The following WDR70 variants were observed in gnomAD, a reference collection of about 807,000 sequenced individuals.
WDR70 encodes WD repeat-containing protein 70.
Under a neutral mutation model 88.6 loss-of-function variants are expected in WDR70, and 53 were observed. The ratio of observed to expected loss-of-function variants is 0.60; its 90% CI spans 0.48 to 0.75. The LOEUF is 0.75. Ranked by LOEUF, WDR70 falls within the 30% of genes least tolerant of loss-of-function variation. The pLI is 0.00. For synonymous variants in WDR70, 280 were observed against 270.0 expected, an observed-to-expected ratio of 1.04 and a Z score of -0.36; for missense variants, 610 against 823.2, an observed-to-expected ratio of 0.74 and a Z score of 3.17.
At chr5:37,572,814 A>G (rs530664614) in intron 9 of WDR70, among the ~76,000 whole-genome samples, 1 of 152,332 alleles carries the variant, frequency 6.6e-6, no homozygotes, top group South Asian at 2.1e-4. Flanking sequence ...AAAAATCACA[A>G]ATCAAGTCAT....
At chr5:37,603,799 G>A (rs1446336120) in intron 9 of WDR70, among the ~76,000 whole-genome samples, 2 of 151,810 alleles carry the variant, frequency 1.3e-5, no homozygotes, top group African/African-American at 2.4e-5. Context: ...TCATTATTAT[G>A]TATTGATTAT....
chr5:37,506,501 C>T (rs772223015), intron 8 of WDR70: 1 of 769,312 alleles, frequency 1.3e-6, no homozygotes, highest in Admixed American at 1.7e-5. Flanking sequence ...TGTTCTTAAG[C>T]ATGTGGGCCA....
At chr5:37,559,719 C>A (rs1742434102) in intron 9 of WDR70, among the ~76,000 whole-genome samples, 1 of 151,988 alleles carries the variant, frequency 6.6e-6, no homozygotes, top group African/African-American at 2.4e-5. Context: ...GTGGCACACA[C>A]CTGTAATCCC....
intron 16 of WDR70, 147 bp from the exon 17 acceptor site, chr5:37,726,736 G>T (rs1203922378): frequency 1.8e-5 from 14 of 783,706 alleles, no homozygotes; most frequent in Non-Finnish European, 2.3e-5. Context: ...TGATCTCTTT[G>T]GTTCTGATTG....
chr5:37,721,829 A>G (rs1159455183), intron 14 of WDR70: 2 of 152,318 alleles, frequency 1.3e-5, no homozygotes, highest in African/African-American at 4.8e-5. Flanking sequence ...GTCATCACCC[A>G]GAAAAGATGG....
At chr5:37,523,505 G>A (rs1256168043) in intron 9 of WDR70, among the ~76,000 whole-genome samples, 1 of 152,126 alleles carries the variant, frequency 6.6e-6, no homozygotes, top group Non-Finnish European at 1.5e-5. Flanking sequence ...AAGACCAAAG[G>A]TAGATAAAAC....
At chr5:37,620,272 T>TTGTTC (rs1744471738) in intron 10 of WDR70, among the ~76,000 whole-genome samples, 1 of 151,864 alleles carries the variant, frequency 6.6e-6, no homozygotes, top group East Asian at 1.9e-4. Flanking sequence ...TGTTTTTTGT[T>TTGTTC]TGTTTTTTGC....
chr5:37,716,661 G>C (rs1187326763), intron 13 of WDR70, among the ~76,000 whole-genome samples: 1 of 151,138 alleles, frequency 6.6e-6, no homozygotes, highest in Non-Finnish European at 1.5e-5. Context: ...TAATTTTGTA[G>C]TATTTGTGAG....
At chr5:37,752,260 A>C (rs1008841571) in intron 17 of WDR70, among the ~76,000 whole-genome samples, 1 of 152,188 alleles carries the variant, frequency 6.6e-6, no homozygotes, top group East Asian at 1.9e-4. Flanking sequence ...GTGTATGTAC[A>C]GTCTGCCACA....
intron 8 of WDR70, among the ~76,000 whole-genome samples, chr5:37,509,269 A>C (rs1740650322): frequency 6.6e-6 from 1 of 152,160 alleles, no homozygotes; most frequent in Non-Finnish European, 1.5e-5. Flanking sequence ...CATTTCTTTA[A>C]CTGTGTCCCA....
Position 37,443,119 on chromosome 5 carries a change from G to A in WDR70, c.553-120G>A, listed in dbSNP as rs1353521410. On this transcript the variant is annotated intron_variant, in intron 6 of 17. Transcript: ENST00000265107. The stretch of plus-strand genomic sequence containing the variant: ...TGCTTTTCAGAAGTAACAATAGTTG[G>A]TGGTTTGTACTTCCAAGTCCTATAA... 19 of 1,035,384 alleles carry A rather than the reference G, an allele frequency of 1.8e-5. No homozygotes were observed. The East Asian group carries it at 4.7e-4, about 26-fold the overall frequency. 64.1% of individuals were successfully genotyped at this position (1,035,384 alleles called of 1,614,324 possible). A position where few individuals can be genotyped will look rare whatever the true frequency, so the allele number is the denominator to read the frequency against.
At chr5:37,396,040 C>T (rs1028493519) in intron 4 of WDR70, among the ~76,000 whole-genome samples, 7 of 152,186 alleles carry the variant, frequency 4.6e-5, no homozygotes, top group Non-Finnish European at 8.8e-5. Context: ...CACAAGCAGT[C>T]CACCTGCCTT....
chr5:37,680,422 T>G (rs1746391698), intron 10 of WDR70, among the ~76,000 whole-genome samples: 2 of 152,212 alleles, frequency 1.3e-5, no homozygotes, highest in South Asian at 4.1e-4. Flanking sequence ...ATTTGTCAAT[T>G]TTTGCTTCTG....
chr5:37,730,571 T>TAC, intron 17 of WDR70, among the ~76,000 whole-genome samples: 1 of 152,298 alleles, frequency 6.6e-6, no homozygotes, highest in Admixed American at 6.5e-5. Context: ...TGTACGAATT[T>TAC]ATCATAGTTA....
intron 5 of WDR70, among the ~76,000 whole-genome samples, chr5:37,410,195 T>G (rs888121227): frequency 7.1e-6 from 1 of 140,986 alleles, no homozygotes; most frequent in Non-Finnish European, 1.5e-5. Context: ...GTTTGTTAGT[T>G]TTTTTTTTTT....
At chr5:37,508,966 G>C (rs376865239) in intron 8 of WDR70, among the ~76,000 whole-genome samples, 3 of 152,128 alleles carry the variant, frequency 2.0e-5, no homozygotes, top group Non-Finnish European at 4.4e-5. Context: ...ATATTTAGTG[G>C]ATATAGGACT....
chr5:37,584,707 G>T (rs1337469961), intron 9 of WDR70, among the ~76,000 whole-genome samples: 1 of 151,950 alleles, frequency 6.6e-6, no homozygotes, highest in African/African-American at 2.4e-5. Flanking sequence ...GCAGTTTGTT[G>T]AGAAACCGTA....
chr5:37,670,906 T>C (rs750341193), intron 10 of WDR70, among the ~76,000 whole-genome samples: 1 of 152,210 alleles, frequency 6.6e-6, no homozygotes, highest in Non-Finnish European at 1.5e-5. Flanking sequence ...GTTGAATTTA[T>C]ATGGATTTGC....
At chr5:37,691,636 A>C (rs954270278) in intron 10 of WDR70, among the ~76,000 whole-genome samples, 1 of 152,248 alleles carries the variant, frequency 6.6e-6, no homozygotes, top group Non-Finnish European at 1.5e-5. Flanking sequence ...AAATGAAGGC[A>C]GAAATAAAGA....
Sources: allele counts gnomAD v4.1 joint callset (sites outside exome capture counted in the v4.1 genomes callset), GRCh38; gene constraint gnomAD v4.1.1; transcripts MANE v1.5; gene names NCBI Gene and HGNC (gene_info 2026-07-23, HGNC 2026-07-21).